Variants in ADGRL2 observed in about 807,000 individuals in gnomAD.
The protein encoded by ADGRL2 is calcium-independent alpha-latrotoxin receptor 2.
A neutral mutation model predicts 157.4 loss-of-function variants in ADGRL2; 44 were observed. That is an observed-to-expected ratio of 0.28 (90% CI 0.22 to 0.36). ADGRL2 has a LOEUF of 0.36. ADGRL2 is among the 10% of genes least tolerant of loss of function. ADGRL2 has a pLI of 1.00. For synonymous variants in ADGRL2, 585 were observed against 624.7 expected, an observed-to-expected ratio of 0.94 and a Z score of 0.95; for missense variants, 1,510 against 1,768.9, an observed-to-expected ratio of 0.85 and a Z score of 2.63.
intron 22 of ADGRL2, chr1:81,987,233 C>A (rs2149504476): frequency 4.9e-6 from 7 of 1,438,920 alleles, no homozygotes; most frequent in Non-Finnish European, 6.8e-6. Context: ...ATAGTATTTA[C>A]AATAATGATC....
chr1:81,391,219 G>A (rs113455375), intron 1 of ADGRL2, among the ~76,000 whole-genome samples: 701 of 151,766 alleles, frequency 4.6e-3, no homozygotes, highest in African/African-American at 0.016. Context: ...CCAGTGCTCC[G>A]GACTGTTGAT....
rs1194600642 is a variant in ADGRL2 at position 81,789,688 on chromosome 1, C to A, written c.-101+27836C>A. On this transcript the variant is annotated intron_variant, in intron 2 of 20. Transcript: ENST00000359929. ...TTGCAGTGAGCGCCTGGTGACAGAG[C>A]GAGTCTCCGTCTCAAAAAAAAAAAA... Among the ~76,000 whole-genome samples, 11 of 119,150 alleles carry A rather than the reference C, an allele frequency of 9.2e-5. No individual in the cohort carries two copies. The Admixed American group carries it at 1.2e-3, about 13-fold the overall frequency. The allele number at this position is 119,150 out of a possible 152,430, so 78.2% of individuals were successfully genotyped here.
intron 3 of ADGRL2, among the ~76,000 whole-genome samples, chr1:81,603,959 CT>C (rs1308114448): frequency 1.5e-5 from 2 of 134,022 alleles, no homozygotes; most frequent in Non-Finnish European, 3.1e-5. Flanking sequence ...AGCCCAATAT[CT>C]TTTTCTTTTT....
intron 2 of ADGRL2, among the ~76,000 whole-genome samples, chr1:81,477,131 A>G (rs1303837088): frequency 6.6e-6 from 1 of 152,152 alleles, no homozygotes; most frequent in Admixed American, 6.5e-5. Flanking sequence ...CTATGTACCC[A>G]CCATGCACTG....
intron 1 of ADGRL2, among the ~76,000 whole-genome samples, chr1:81,392,649 A>T (rs576862781): frequency 1.2e-4 from 19 of 152,308 alleles, no homozygotes; most frequent in South Asian, 6.2e-4. Context: ...TATTATTAAG[A>T]GACCATGCCC....
At position 81,717,663 on chromosome 1, in the gene ADGRL2, C is replaced by A. The variant is rs1007166376; in HGVS notation, c.-143+17855C>A. On this transcript the variant is annotated intron_variant, in intron 1 of 20. Coordinates refer to the ADGRL2 transcript ENST00000359929. ...CACTTGGAGAATTGTGTCACTGTTG[C>A]CTAAGTCTTGGGTTTCCTTTACTCC... Among the ~76,000 whole-genome samples, 4 of 152,132 alleles carry A rather than the reference C, an allele frequency of 2.6e-5. No homozygotes were observed. The South Asian group carries it at 6.2e-4, about 24-fold the overall frequency.
chr1:81,814,710 C>T (rs1172822143), intron 1 of ADGRL2, among the ~76,000 whole-genome samples: 1 of 151,122 alleles, frequency 6.6e-6, no homozygotes, highest in Non-Finnish European at 1.5e-5. Context: ...TTTCTTTTGC[C>T]TATTTAATAA....
At chr1:81,698,322 C>T (rs184539492), upstream of ADGRL2, among the ~76,000 whole-genome samples, 225 of 152,246 alleles carry the variant, frequency 1.5e-3, no homozygotes, top group Non-Finnish European at 2.3e-3. Flanking sequence ...GATTACTGCT[C>T]ACATGTATGT....
At chr1:81,863,230 T>C (rs183845623) in intron 2 of ADGRL2, among the ~76,000 whole-genome samples, 1 of 152,226 alleles carries the variant, frequency 6.6e-6, no homozygotes, top group Admixed American at 6.5e-5. Flanking sequence ...TTGGGCCCTG[T>C]CATATATGAA....
intron 11 of ADGRL2, among the ~76,000 whole-genome samples, chr1:81,964,539 G>T (rs933494059): frequency 1.6e-4 from 24 of 151,984 alleles, no homozygotes; most frequent in Non-Finnish European, 2.8e-4. Context: ...GTATTTCAGG[G>T]TTTGACATGT....
intron 1 of ADGRL2, among the ~76,000 whole-genome samples, chr1:81,326,306 CA>C (rs1188159850): frequency 6.6e-6 from 1 of 152,156 alleles, no homozygotes; most frequent in East Asian, 1.9e-4. Flanking sequence ...TAGTACCTAT[CA>C]CATTAGAGTT....
intron 6 of ADGRL2, among the ~76,000 whole-genome samples, chr1:81,948,856 A>G (rs1650817329): frequency 6.6e-6 from 1 of 152,196 alleles, no homozygotes; most frequent in Non-Finnish European, 1.5e-5. Flanking sequence ...TAAAACGTGT[A>G]TAGTGTACTT....
At chr1:81,863,812 A>C (rs953428687) in intron 2 of ADGRL2, among the ~76,000 whole-genome samples, 3 of 152,178 alleles carry the variant, frequency 2.0e-5, no homozygotes, top group Non-Finnish European at 4.4e-5. Flanking sequence ...AATACATCTG[A>C]CCCAAACTTA....
chr1:81,864,538 A>G (rs2093479429), intron 2 of ADGRL2, among the ~76,000 whole-genome samples: 1 of 152,196 alleles, frequency 6.6e-6, no homozygotes, highest in Non-Finnish European at 1.5e-5. Context: ...CATTGTTTCT[A>G]TTTAATTTGA....
intron 3 of ADGRL2, among the ~76,000 whole-genome samples, chr1:81,638,019 G>T (rs979462328): frequency 2.6e-5 from 4 of 151,506 alleles, no homozygotes; most frequent in Non-Finnish European, 5.9e-5. Flanking sequence ...ACTGTGGTTT[G>T]GTCAATGACA....
intron 2 of ADGRL2, among the ~76,000 whole-genome samples, chr1:81,570,367 A>T (rs1001779387): frequency 6.6e-6 from 1 of 151,932 alleles, no homozygotes; most frequent in African/African-American, 2.4e-5. Context: ...AACATGGAGG[A>T]TATTACATTC....
intron 2 of ADGRL2, among the ~76,000 whole-genome samples, chr1:81,842,341 T>C (rs2092618424): frequency 6.7e-6 from 1 of 148,204 alleles, no homozygotes; most frequent in Admixed American, 6.9e-5. Flanking sequence ...GGATTTTTTT[T>C]TTCTTTTAGC....
At chr1:81,356,456 T>C (rs1296311868) in intron 1 of ADGRL2, among the ~76,000 whole-genome samples, 1 of 152,102 alleles carries the variant, frequency 6.6e-6, no homozygotes, top group African/African-American at 2.4e-5. Context: ...TTTTTTTTTG[T>C]AAGGGAGGGA....
chr1:81,448,137 CTTTTTTTTT>C (rs1168945231), intron 2 of ADGRL2, among the ~76,000 whole-genome samples: 5 of 83,530 alleles, frequency 6.0e-5, no homozygotes, highest in African/African-American at 1.5e-4. Flanking sequence ...TTCTTTCTTT[CTTTTTTTTT>C]TTTTTTTTTT....
Sources: allele counts gnomAD v4.1 joint callset (sites outside exome capture counted in the v4.1 genomes callset), GRCh38; gene constraint gnomAD v4.1.1; transcripts MANE v1.5; gene names NCBI Gene and HGNC (gene_info 2026-07-23, HGNC 2026-07-21).